FGD3: variants seen among roughly 807,000 people sequenced by gnomAD.
The protein encoded by FGD3 is FYVE, RhoGEF and PH domain containing 3, also known as FYVE, RhoGEF and PH domain-containing protein 3.
FGD3 carries 45 observed loss-of-function variants against 71.8 expected under a neutral mutation model. That is an observed-to-expected ratio of 0.63 (90% confidence interval 0.49 to 0.80). FGD3 has a LOEUF of 0.80. Ranked by LOEUF, FGD3 falls within the 30% of genes least tolerant of loss-of-function variation. The probability of loss-of-function intolerance (pLI) is 0.00; values close to 1 mark genes in which losing one functional copy is unlikely to be tolerated. For missense variants in FGD3, 844 were observed against 951.5 expected, an observed-to-expected ratio of 0.89 and a Z score of 1.49; for synonymous variants, 378 against 392.8, an observed-to-expected ratio of 0.96 and a Z score of 0.44.
intron 1 of FGD3, among the ~76,000 whole-genome samples, chr9:92,960,176 C>T (rs1859143909): frequency 6.6e-6 from 1 of 151,934 alleles, no homozygotes; most frequent in Non-Finnish European, 1.5e-5. Context: ...GTTCCCATGT[C>T]CACTTATCCT....
chr9:92,980,887 C>G (rs944808459), intron 3 of FGD3, among the ~76,000 whole-genome samples: 1 of 149,566 alleles, frequency 6.7e-6, no homozygotes, highest in Non-Finnish European at 1.5e-5. Flanking sequence ...AGGAGAATTG[C>G]TTGAACTGGG....
At chr9:93,029,008 T>G (rs1454293385) in intron 14 of FGD3, among the ~76,000 whole-genome samples, 15 of 92,174 alleles carry the variant, frequency 1.6e-4, no homozygotes, top group East Asian at 1.0e-3. Context: ...TTTTTTTTTT[T>G]TTTTTTTTTT....
At chr9:93,017,891 A>C (rs1001891946) in intron 10 of FGD3, among the ~76,000 whole-genome samples, 3 of 152,250 alleles carry the variant, frequency 2.0e-5, no homozygotes, top group African/African-American at 7.2e-5. Flanking sequence ...GCAGAGTTCC[A>C]AGCACAGAAG....
At chr9:93,026,151 T>G (rs1487910888) in intron 14 of FGD3, among the ~76,000 whole-genome samples, 1 of 152,178 alleles carries the variant, frequency 6.6e-6, no homozygotes, top group Non-Finnish European at 1.5e-5. Context: ...GAAAAAATGC[T>G]GGAGGGGGCA....
At chr9:92,959,428 C>G (rs1313962290) in intron 1 of FGD3, among the ~76,000 whole-genome samples, 1 of 151,996 alleles carries the variant, frequency 6.6e-6, no homozygotes, top group Non-Finnish European at 1.5e-5. Context: ...TTGGGCAAGG[C>G]TCGGTGGGTG....
Position 92,966,340 on chromosome 9 carries a change from C to T in FGD3, c.-217-8898C>T, listed in dbSNP as rs949663269. Among the ~76,000 whole-genome samples, 7 of 152,322 alleles carry T rather than the reference C, an allele frequency of 4.6e-5. No individual in the cohort carries two copies. In the South Asian group the frequency reaches 6.2e-4, roughly 14 times the overall value. On this transcript the variant is annotated intron_variant, in intron 1 of 17. Transcript: ENST00000375482. Reference sequence around the variant, plus strand: ...CACGAACCTGTGCCCGTGGTGCCTCCGTCCCCACACGTGAGCTTCCCCACT... The same window carrying T: ...CACGAACCTGTGCCCGTGGTGCCTCTGTCCCCACACGTGAGCTTCCCCACT...
At chr9:92,995,098 A>G (rs796576220) in intron 3 of FGD3, among the ~76,000 whole-genome samples, 2 of 152,172 alleles carry the variant, frequency 1.3e-5, no homozygotes, top group African/African-American at 4.8e-5. Flanking sequence ...GATTCTTCCT[A>G]TCCATGAACA....
At position 93,004,148 on chromosome 9, in the gene FGD3, T is replaced by G. The variant is rs1860960659; in HGVS notation, c.680+11T>G. The stretch of plus-strand genomic sequence containing the variant: ...GATCACGGAGGAGTGGTGAGTACCA[T>G]CTGCGCATGCCCATGGGGCCCCTCA... On this transcript the variant is annotated intron_variant, in intron 5 of 17. Transcript: ENST00000375482. 1.2e-6 allele frequency: 2 copies of G among 1,613,120 alleles called. No homozygotes were observed. Among genetic ancestry groups the G allele is most frequent in the Admixed American group, 3.3e-5 (2 of 60,026 alleles).
chr9:92,973,153 C>T (rs1321213265), intron 1 of FGD3, among the ~76,000 whole-genome samples: 2 of 129,310 alleles, frequency 1.5e-5, no homozygotes, highest in Non-Finnish European at 3.1e-5. Context: ...TTTGCTCTGT[C>T]GCCCAGGCTG....
chr9:93,019,981 C>A (rs757269240), intron 12 of FGD3, 120 bp downstream of exon 12: 12 of 1,053,116 alleles, frequency 1.1e-5, no homozygotes, highest in Non-Finnish European at 1.6e-5. Context: ...GTGCTGTACC[C>A]TGCAGGGATG....
At chr9:93,034,741 C>T (rs559679711) in intron 17 of FGD3, 60 bp downstream of exon 17, 4 of 1,549,072 alleles carry the variant, frequency 2.6e-6, no homozygotes, top group Non-Finnish European at 3.5e-6. Context: ...AGGCCTGAGG[C>T]ACCCACAGCA....
At chr9:92,958,442 C>A (rs2118509427) in intron 1 of FGD3, among the ~76,000 whole-genome samples, 1 of 152,340 alleles carries the variant, frequency 6.6e-6, no homozygotes, top group East Asian at 1.9e-4. Context: ...ACATTTGTTA[C>A]AATTGATGAA....
intron 17 of FGD3, among the ~76,000 whole-genome samples, chr9:93,035,117 C>T (rs1020662491): frequency 1.3e-5 from 2 of 152,204 alleles, no homozygotes; most frequent in African/African-American, 4.8e-5. Context: ...AAGGCATCCC[C>T]CTCCCTATAT....
intron 1 of FGD3, among the ~76,000 whole-genome samples, chr9:92,972,312 CGTG>C (rs1859567174): frequency 6.6e-6 from 1 of 151,214 alleles, no homozygotes; most frequent in Admixed American, 6.6e-5. Flanking sequence ...ATTAGCCAGG[CGTG>C]GTGGTGGGTG....
In FGD3 at chr9:92,976,271, G is replaced by A; in HGVS notation, c.15G>A (p.Arg5=). MESG[R]GSSTPPGPIA... ...CAGCTTTAAGGATGGAGTCAGGCAG[G>A]GGGTCCTCAACCCCTCCAGGACCCA... Residue 5 remains arginine (R), a synonymous_variant, in exon 3 of 18, where the codon AGG becomes AGA. Transcript: ENST00000375482. 2 of 1,585,432 alleles carry A rather than the reference G, an allele frequency of 1.3e-6. No individual in the cohort carries two copies. The highest frequency in any genetic ancestry group is 8.6e-7 in the Non-Finnish European group (1 of 1,159,754).
chr9:92,987,889 A>G (rs1860251517), intron 3 of FGD3, among the ~76,000 whole-genome samples: 1 of 151,726 alleles, frequency 6.6e-6, no homozygotes, highest in Non-Finnish European at 1.5e-5. Flanking sequence ...CATTTATCCA[A>G]CTCTTGAGAT....
chr9:92,989,835 G>C (rs1860333732), intron 3 of FGD3, among the ~76,000 whole-genome samples: 1 of 151,186 alleles, frequency 6.6e-6, no homozygotes, highest in Admixed American at 6.6e-5. Flanking sequence ...TTTCTTGCAT[G>C]ACTCAGCTTT....
chr9:92,984,267 A>T (rs1176499790), intron 3 of FGD3, among the ~76,000 whole-genome samples: 2 of 152,216 alleles, frequency 1.3e-5, no homozygotes, highest in African/African-American at 4.8e-5. Flanking sequence ...TCTTTTAAAC[A>T]ACCAGTTATT....
intron 14 of FGD3, among the ~76,000 whole-genome samples, chr9:93,023,559 A>G (rs1862007150): frequency 6.6e-6 from 1 of 151,976 alleles, no homozygotes; most frequent in Non-Finnish European, 1.5e-5. Context: ...AGCTTGGGGG[A>G]AAGTGGTGCC....
Sources: gnomAD v4.1 joint callset for allele counts (sites outside exome capture counted in the v4.1 genomes callset) on GRCh38, gnomAD v4.1.1 for gene constraint, MANE v1.5 for transcripts, NCBI Gene and HGNC (gene_info 2026-07-23, HGNC 2026-07-21) for gene names.